TYW1: variants seen among roughly 807,000 people sequenced by gnomAD.
The protein encoded by TYW1 is tRNA-yW synthesizing protein 1 homolog.
TYW1 carries 46 observed loss-of-function variants against 96.2 expected under a neutral mutation model. The ratio of observed to expected loss-of-function variants is 0.48; its 90% CI spans 0.38 to 0.61. The LOEUF is 0.61. Among genes scored for constraint, TYW1 ranks in the 20% least tolerant of loss-of-function variants. TYW1 has a pLI of 0.00. For synonymous variants in TYW1, 274 were observed against 323.0 expected (o/e 0.85, Z 1.63); for missense variants, 684 against 909.6 (o/e 0.75, Z 3.19).
chr7:67,062,570 A>AAAAAAAAAAAAAG (rs1795728195), intron 9 of TYW1, among the ~76,000 whole-genome samples: 1 of 150,690 alleles, frequency 6.6e-6, no homozygotes, highest in African/African-American at 2.4e-5. Flanking sequence ...CCGTCTCAAA[A>AAAAAAAAAAAAAG]AAAAAAAAAA....
intron 7 of TYW1, among the ~76,000 whole-genome samples, chr7:67,030,072 G>A (rs913943993): frequency 6.6e-6 from 1 of 152,158 alleles, no homozygotes; most frequent in Non-Finnish European, 1.5e-5. Flanking sequence ...ACATCAGTGT[G>A]TTCCTCAACC....
At chr7:67,078,687 C>CT (rs889501010) in intron 10 of TYW1, among the ~76,000 whole-genome samples, 2 of 151,680 alleles carry the variant, frequency 1.3e-5, no homozygotes, top group African/African-American at 2.4e-5. Flanking sequence ...ATGAAATTTT[C>CT]TTTTTTTTCT....
chr7:67,090,677 T>C (rs1316659166), intron 11 of TYW1, among the ~76,000 whole-genome samples: 1 of 151,996 alleles, frequency 6.6e-6, no homozygotes, highest in East Asian at 1.9e-4. Flanking sequence ...ACAGATCGTG[T>C]GTGTGCATGT....
At chr7:67,186,630 A>G (rs1283434508) in intron 14 of TYW1, among the ~76,000 whole-genome samples, 8 of 151,718 alleles carry the variant, frequency 5.3e-5, no homozygotes, top group Non-Finnish European at 1.2e-4. Context: ...TGGATGACAG[A>G]CGCACACCAC....
At chr7:67,094,621 G>A (rs950520080) in intron 11 of TYW1, among the ~76,000 whole-genome samples, 6 of 148,948 alleles carry the variant, frequency 4.0e-5, no homozygotes, top group Admixed American at 1.4e-4. Flanking sequence ...GTATTTCTAA[G>A]GTGTGGGAGG....
At chr7:67,099,057 ACT>A (rs1797010728) in intron 12 of TYW1, among the ~76,000 whole-genome samples, 1 of 149,404 alleles carries the variant, frequency 6.7e-6, no homozygotes, top group Non-Finnish European at 1.5e-5. Flanking sequence ...TCGGAGTCTC[ACT>A]CTGTCTCCCC....
intron 6 of TYW1, among the ~76,000 whole-genome samples, chr7:67,019,399 T>C (rs916290927): frequency 3.3e-5 from 5 of 152,144 alleles, no homozygotes; most frequent in African/African-American, 1.2e-4. Flanking sequence ...GGTTTCATCA[T>C]GTTGGTTAGG....
At chr7:67,226,265 G>T (rs551288427) in intron 15 of TYW1, among the ~76,000 whole-genome samples, 1 of 152,258 alleles carries the variant, frequency 6.6e-6, no homozygotes, top group African/African-American at 2.4e-5. Context: ...CCTCCTTCTT[G>T]CTAGGGACCC....
chr7:67,058,946 G>A (rs1020660940), intron 9 of TYW1, among the ~76,000 whole-genome samples: 24 of 152,032 alleles, frequency 1.6e-4, no homozygotes, highest in African/African-American at 5.1e-4. Context: ...CAAACAGAGA[G>A]GGGCTCTCTA....
intron 15 of TYW1, among the ~76,000 whole-genome samples, chr7:67,237,305 C>T (rs938284398): frequency 2.8e-5 from 4 of 144,278 alleles, no homozygotes; most frequent in South Asian, 2.2e-4. Flanking sequence ...TCGAGACCAT[C>T]CTGGCTAACA....
At chr7:67,231,484 A>G (rs939123519) in intron 15 of TYW1, among the ~76,000 whole-genome samples, 1 of 152,222 alleles carries the variant, frequency 6.6e-6, no homozygotes, top group Non-Finnish European at 1.5e-5. Context: ...AGAAACTGGC[A>G]TGTAAAAAGT....
At chr7:67,230,355 G>A in intron 15 of TYW1, among the ~76,000 whole-genome samples, 1 of 126,904 alleles carries the variant, frequency 7.9e-6, no homozygotes, top group Non-Finnish European at 1.6e-5. Flanking sequence ...TTGTTGATGT[G>A]CTTTTTCCTT....
At chr7:67,023,078 G>A (rs1250312416) in intron 6 of TYW1, among the ~76,000 whole-genome samples, 1 of 152,002 alleles carries the variant, frequency 6.6e-6, no homozygotes, top group Admixed American at 6.6e-5. Context: ...TTGACATTTT[G>A]TTTCTTTTAA....
chr7:67,010,892 G>A (rs1562963863), intron 4 of TYW1, among the ~76,000 whole-genome samples: 1 of 152,072 alleles, frequency 6.6e-6, no homozygotes. Flanking sequence ...CCGCTATTTT[G>A]AATCTCTTAA....
At chr7:67,118,877 TGAAAAAAAAAAAAA>T (rs1436530121) in intron 13 of TYW1, among the ~76,000 whole-genome samples, 1 of 50,010 alleles carries the variant, frequency 2.0e-5, no homozygotes, top group African/African-American at 8.7e-5. Context: ...GACCCCTATC[TGAAAAAAAAAAAAA>T]AAAAAAAAAA....
At chr7:67,172,813 T>TG in intron 13 of TYW1, among the ~76,000 whole-genome samples, 1 of 152,102 alleles carries the variant, frequency 6.6e-6, no homozygotes, top group African/African-American at 2.4e-5. Flanking sequence ...TTCTTCCAGC[T>TG]GAAGGACTTT....
intron 13 of TYW1, among the ~76,000 whole-genome samples, chr7:67,157,105 C>T (rs1207674925): frequency 6.6e-6 from 1 of 151,854 alleles, no homozygotes; most frequent in Non-Finnish European, 1.5e-5. Flanking sequence ...GAGGTGAGTA[C>T]CAAGCGCCTC....
At chr7:67,158,862 C>T (rs902004873) in intron 13 of TYW1, among the ~76,000 whole-genome samples, 3 of 152,214 alleles carry the variant, frequency 2.0e-5, no homozygotes, top group Non-Finnish European at 4.4e-5. Flanking sequence ...TGAGCCACTG[C>T]ACCCGCCCTC....
At chr7:67,052,359 C>T (rs926130855) in intron 8 of TYW1, among the ~76,000 whole-genome samples, 1 of 152,010 alleles carries the variant, frequency 6.6e-6, no homozygotes, top group African/African-American at 2.4e-5. Flanking sequence ...TTTCTTCTGT[C>T]TCACTTTTCA....
Sources: allele counts gnomAD v4.1 joint callset (sites outside exome capture counted in the v4.1 genomes callset), GRCh38; gene constraint gnomAD v4.1.1; transcripts MANE v1.5; gene names NCBI Gene and HGNC (gene_info 2026-07-23, HGNC 2026-07-21).